The following SOCS7 variants were observed in gnomAD, a reference collection of about 807,000 sequenced individuals.
SOCS7 encodes the protein suppressor of cytokine signaling 7.
SOCS7 carries 18 observed loss-of-function variants against 58.9 expected under a neutral mutation model. The ratio of observed to expected loss-of-function variants is 0.31; its 90% confidence interval spans 0.21 to 0.45. SOCS7 has a LOEUF of 0.45. Among genes scored for constraint, SOCS7 ranks in the 20% least tolerant of loss-of-function variants. SOCS7 has a pLI of 1.00. For missense variants in SOCS7, 667 were observed against 837.3 expected (o/e 0.80, Z 2.51); for synonymous variants, 388 against 364.3 (o/e 1.06, Z -0.74).
intron 7 of SOCS7, 119 bp downstream of exon 7, chr17:38,377,961 C>T (rs2037952978): frequency 1.2e-6 from 1 of 864,042 alleles, no homozygotes; most frequent in African/African-American, 1.7e-5. Context: ...CTGTTGGAGC[C>T]ACCACTCCTC....
chr17:38,369,969 T>C (rs1366696778), intron 6 of SOCS7, among the ~76,000 whole-genome samples: 1 of 152,048 alleles, frequency 6.6e-6, no homozygotes, highest in African/African-American at 2.4e-5. Context: ...TTTTTTGTAT[T>C]TTTAGTAGAC....
chr17:38,398,840 C>G (rs2038278637), intron 9 of SOCS7, among the ~76,000 whole-genome samples: 1 of 152,088 alleles, frequency 6.6e-6, no homozygotes, highest in Admixed American at 6.6e-5. Context: ...CGTCTGTAAT[C>G]CCAGCAGTTT....
At chr17:38,376,436 T>C (rs1330788293) in intron 6 of SOCS7, among the ~76,000 whole-genome samples, 1 of 152,032 alleles carries the variant, frequency 6.6e-6, no homozygotes, top group Admixed American at 6.6e-5. Context: ...TTTTTTCTTA[T>C]CAACGTTACA....
chr17:38,365,436 G>T (rs1555568175), intron 4 of SOCS7, 27 bp downstream of exon 4: 9 of 1,491,212 alleles, frequency 6.0e-6, no homozygotes, highest in African/African-American at 1.4e-5. Context: ...GGCAAGACTT[G>T]TAAGAGTTGG....
intron 6 of SOCS7, among the ~76,000 whole-genome samples, chr17:38,368,772 G>A (rs190365716): frequency 1.2e-3 from 188 of 152,312 alleles, no homozygotes; most frequent in African/African-American, 4.3e-3. Flanking sequence ...AAAGGGCTTG[G>A]ATTACAGGTG....
rs1382163367 is a variant in SOCS7 at position 38,395,349 on chromosome 17, C to T, written c.1722C>T (p.Ser574=). Residue 574 remains serine (S), a synonymous_variant, in exon 8 of 10, where the codon TCC becomes TCT. Coordinates refer to ENST00000612932, the MANE Select transcript of SOCS7 (RefSeq NM_014598.4). ...PTPVQLLYPV[S]RFSNVKSLQH... ...CTGTCCAGCTGCTCTATCCAGTGTC[C>T]CGATTCAGCAATGTCAAATCCCTCC... is the stretch of plus-strand genomic sequence containing the variant. 6.2e-7 allele frequency: 1 copy of T among 1,614,090 alleles called. No homozygotes were observed. Among genetic ancestry groups the T allele is most frequent in the Non-Finnish European group, 8.5e-7 (1 of 1,179,984 alleles).
chr17:38,402,964 G>C lies in SOCS7; in HGVS notation c.*3482G>C, dbSNP rs910804730. On this transcript the variant is annotated 3_prime_UTR_variant, in exon 10 of 10. Coordinates refer to ENST00000612932, the MANE Select transcript of SOCS7 (RefSeq NM_014598.4). ...TACAACTTGCTGTTACTTGAAATTC[G>C]TGTGCTATGTTGGTAGCACAGGAGT... is the stretch of plus-strand genomic sequence containing the variant. 6.6e-6 allele frequency: 1 copy of C among 152,206 alleles called. No homozygotes were observed. The highest frequency in any genetic ancestry group is 2.4e-5 in the African/African-American group (1 of 41,412). The allele number at this position is 152,206 out of a possible 1,614,324, so 9.4% of individuals were successfully genotyped here. A position where few individuals can be genotyped will look rare whatever the true frequency, so the allele number is the denominator to read the frequency against.
intron 7 of SOCS7, among the ~76,000 whole-genome samples, chr17:38,387,109 ATATATATATATATATATATGTATG>A (rs2038081221): frequency 1.4e-4 from 14 of 99,322 alleles, no homozygotes; most frequent in African/African-American, 4.2e-4. Context: ...AAAAATATAT[ATATATATATATATATATATGTATG>A]TATATATATA....
At chr17:38,353,824 G>T (rs1250778526) in intron 1 of SOCS7, among the ~76,000 whole-genome samples, 1 of 152,202 alleles carries the variant, frequency 6.6e-6, no homozygotes, top group African/African-American at 2.4e-5. Flanking sequence ...TACTCGGGAG[G>T]CTGAGGCAGG....
At position 38,402,864 on chromosome 17, in the gene SOCS7, A is replaced by C. The variant is rs2038340301; in HGVS notation, c.*3382A>C. 1 of 152,164 alleles carries C rather than the reference A, an allele frequency of 6.6e-6. No individual in the cohort carries two copies. Among genetic ancestry groups the C allele is most frequent in the Admixed American group, 6.5e-5 (1 of 15,276 alleles). 9.4% of individuals were successfully genotyped at this position (152,164 alleles called of 1,614,324 possible). A position where few individuals can be genotyped will look rare whatever the true frequency, so the allele number is the denominator to read the frequency against. On this transcript the variant is annotated 3_prime_UTR_variant, in exon 10 of 10. Coordinates refer to ENST00000612932, the MANE Select transcript of SOCS7 (RefSeq NM_014598.4). ...TGGCCTCAGTGCCTGCATAACCCTCACCTGTTTATGACTGATCTACTGTAA... is the reference window on the plus strand; with the variant it reads ...TGGCCTCAGTGCCTGCATAACCCTCCCCTGTTTATGACTGATCTACTGTAA...
intron 1 of SOCS7, among the ~76,000 whole-genome samples, chr17:38,361,416 C>T (rs1355225989): frequency 6.6e-6 from 1 of 152,232 alleles, no homozygotes; most frequent in Non-Finnish European, 1.5e-5. Context: ...TTGAAATGGA[C>T]TTGCTAATTA....
intron 7 of SOCS7, among the ~76,000 whole-genome samples, chr17:38,389,863 G>GTGTGTGTATATATATATA (rs1555571058): frequency 2.7e-4 from 6 of 22,334 alleles, no homozygotes; most frequent in Admixed American, 1.2e-3. Context: ...GTGTGTATGT[G>GTGTGTGTATATATATATA]TGTACATATA....
intron 2 of SOCS7, among the ~76,000 whole-genome samples, 158 bp from the exon 3 acceptor site, chr17:38,364,594 G>A (rs1022680280): frequency 6.6e-6 from 1 of 152,168 alleles, no homozygotes; most frequent in African/African-American, 2.4e-5. Context: ...TTGACTTCCT[G>A]GTGTTGGGGT....
chr17:38,364,482 G>A (rs2037761227), intron 2 of SOCS7, among the ~76,000 whole-genome samples: 1 of 152,202 alleles, frequency 6.6e-6, no homozygotes, highest in South Asian at 2.1e-4. Context: ...GTAAGTCAGT[G>A]GCGGAACCAG....
intron 7 of SOCS7, among the ~76,000 whole-genome samples, chr17:38,380,986 G>C (rs553289263): frequency 6.6e-6 from 1 of 152,210 alleles, no homozygotes; most frequent in Non-Finnish European, 1.5e-5. Context: ...GTTGATCAGT[G>C]CTGAAGCCAG....
At chr17:38,362,489 AACTGAGTACTTCTCATTGGTTGTG>A (rs1185647798) in intron 2 of SOCS7, among the ~76,000 whole-genome samples, 2 of 152,222 alleles carry the variant, frequency 1.3e-5, no homozygotes, top group African/African-American at 4.8e-5. Flanking sequence ...ATGTCTCAGA[AACTGAGTACTTCTCATTGGTTGTG>A]ACTGAGAAGC....
intron 7 of SOCS7, among the ~76,000 whole-genome samples, chr17:38,379,693 A>G (rs188062138): frequency 3.4e-4 from 51 of 151,994 alleles, no homozygotes; most frequent in Admixed American, 2.8e-3. Context: ...ACAGGGTGTG[A>G]ACTGTATTAA....
chr17:38,356,943 G>GT (rs2037648410), intron 1 of SOCS7, among the ~76,000 whole-genome samples: 1 of 152,142 alleles, frequency 6.6e-6, no homozygotes, highest in African/African-American at 2.4e-5. Flanking sequence ...GAATCATCAC[G>GT]TAATACACAC....
intron 7 of SOCS7, among the ~76,000 whole-genome samples, chr17:38,389,897 A>ACATATATATG (rs2038142060): frequency 1.3e-5 from 1 of 77,354 alleles, no homozygotes; most frequent in African/African-American, 8.0e-5. Context: ...ATATATATAT[A>ACATATATATG]TACACATATA....
Sources: allele counts gnomAD v4.1 joint callset (sites outside exome capture counted in the v4.1 genomes callset), GRCh38; gene constraint gnomAD v4.1.1; transcripts MANE v1.5; gene names NCBI Gene and HGNC (gene_info 2026-07-23, HGNC 2026-07-21).